Variants in TYR observed in about 807,000 individuals in gnomAD.
TYR encodes the protein LB24-AB.
Under a neutral mutation model 51.5 loss-of-function variants are expected in TYR, and 58 were observed. The observed-to-expected ratio is 1.13, with a 90% CI of 0.91 to 1.40. The LOEUF (loss-of-function observed/expected upper bound fraction) is 1.40. TYR is among the 40% of genes most tolerant of loss of function. TYR has a pLI of 0.00. For missense variants in TYR, 732 were observed against 647.4 expected, an observed-to-expected ratio of 1.13 and a Z score of -1.42; for synonymous variants, 263 against 235.2, an observed-to-expected ratio of 1.12 and a Z score of -1.08.
chr11:89,277,812 T>G (rs150316609), intron 3 of TYR, among the ~76,000 whole-genome samples: 63 of 151,806 alleles, frequency 4.2e-4, no homozygotes, highest in African/African-American at 1.4e-3. Flanking sequence ...TCTCACTGAT[T>G]TCTTTATCCC....
At chr11:89,249,557 G>A (rs1261995166) in intron 3 of TYR, among the ~76,000 whole-genome samples, 2 of 151,816 alleles carry the variant, frequency 1.3e-5, no homozygotes, top group East Asian at 3.9e-4. Flanking sequence ...TACTTGTTGG[G>A]TCTGAAAACA....
intron 2 of TYR, among the ~76,000 whole-genome samples, chr11:89,194,486 T>C (rs2135255773): frequency 6.6e-6 from 1 of 151,396 alleles, no homozygotes; most frequent in South Asian, 2.1e-4. Context: ...ACTGTCTACA[T>C]GGAGACATTT....
At position 89,189,713 on chromosome 11, in the gene TYR, T is replaced by A. The variant is rs991247958; in HGVS notation, c.820-1489T>A. Reference sequence around the variant, plus strand: ...TAATAAATATTTTATTTTCTATAACTATGTGAGGTAGTTGTTATTATCTTC... The same window carrying A: ...TAATAAATATTTTATTTTCTATAACAATGTGAGGTAGTTGTTATTATCTTC... On this transcript the variant is annotated intron_variant, in intron 1 of 4. Coordinates refer to ENST00000263321, the MANE Select transcript of TYR (RefSeq NM_000372.5). Among the ~76,000 whole-genome samples the A allele has an allele frequency of 3.3e-5, 5 of 152,118 alleles. No individual in the cohort carries two copies. In the East Asian group the frequency reaches 9.6e-4, roughly 29 times the overall value.
At chr11:89,185,662 A>G (rs748449836) in intron 1 of TYR, among the ~76,000 whole-genome samples, 18 of 152,130 alleles carry the variant, frequency 1.2e-4, no homozygotes, top group Non-Finnish European at 2.1e-4. Flanking sequence ...CCACGGAAGC[A>G]TGCACCTGTT....
At position 89,228,041 on chromosome 11, in the gene TYR, T is replaced by C. The variant is rs1029704636; in HGVS notation, c.1184+71T>C. Reference sequence around the variant, plus strand: ...TAGAGGGTGCCTATCAAATGTGATTTAAGTTATTAAATAAAAGCTAAGAAG... The same window carrying C: ...TAGAGGGTGCCTATCAAATGTGATTCAAGTTATTAAATAAAAGCTAAGAAG... On this transcript the variant is annotated intron_variant, in intron 3 of 4. Transcript: ENST00000263321. 4 of 1,569,080 alleles carry C rather than the reference T, an allele frequency of 2.5e-6. No homozygotes were observed. The African/African-American group carries it at 5.4e-5, about 21-fold the overall frequency.
intron 3 of TYR, among the ~76,000 whole-genome samples, chr11:89,231,262 TA>T (rs1944045861): frequency 2.0e-5 from 3 of 151,990 alleles, no homozygotes; most frequent in South Asian, 4.1e-4. Flanking sequence ...AGCAGTTTCT[TA>T]AAAAATTAAA....
At position 89,295,542 on chromosome 11, in the gene TYR, T is replaced by C; in HGVS notation, c.*176T>C. Reference sequence around the variant, plus strand: ...CAGGTAGAACACACCTGTCTTTGTCTTGCTGTTTTCACTCAGCCCTTTTAA... The same window carrying C: ...CAGGTAGAACACACCTGTCTTTGTCCTGCTGTTTTCACTCAGCCCTTTTAA... On this transcript the variant is annotated 3_prime_UTR_variant, in exon 5 of 5. Coordinates refer to ENST00000263321, the MANE Select transcript of TYR (RefSeq NM_000372.5). The C allele has an allele frequency of 1.3e-6, 1 of 772,120 alleles. No homozygotes were observed. 47.8% of individuals were successfully genotyped at this position (772,120 alleles called of 1,614,324 possible).
At chr11:89,224,938 T>C (rs11018539) in intron 2 of TYR, among the ~76,000 whole-genome samples, 11,035 of 152,038 alleles carry the variant, frequency 0.073, 522 homozygotes, top group South Asian at 0.15. Flanking sequence ...TATTTTTTTT[T>C]TTGCTGGATT....
intron 3 of TYR, among the ~76,000 whole-genome samples, chr11:89,268,331 A>C (rs957193145): frequency 6.6e-6 from 1 of 151,950 alleles, no homozygotes; most frequent in Non-Finnish European, 1.5e-5. Flanking sequence ...AATTCTCAGC[A>C]TAGCACTGGA....
At chr11:89,275,439 G>T (rs545091097) in intron 3 of TYR, among the ~76,000 whole-genome samples, 105 of 151,974 alleles carry the variant, frequency 6.9e-4, no homozygotes, top group African/African-American at 2.3e-3. Flanking sequence ...AAAAGTCACA[G>T]GAATCTAAAA....
At chr11:89,225,622 A>T (rs1943966867) in intron 2 of TYR, among the ~76,000 whole-genome samples, 1 of 151,922 alleles carries the variant, frequency 6.6e-6, no homozygotes, top group Non-Finnish European at 1.5e-5. Flanking sequence ...GAAGAGTTTA[A>T]GTTGTTTTTG....
intron 3 of TYR, among the ~76,000 whole-genome samples, chr11:89,265,369 C>T (rs1944513295): frequency 6.6e-6 from 1 of 152,052 alleles, no homozygotes; most frequent in African/African-American, 2.4e-5. Context: ...ACCACTCCAC[C>T]TCTCAGAATT....
At chr11:89,182,087 C>G (rs1264259228) in intron 1 of TYR, among the ~76,000 whole-genome samples, 1 of 152,146 alleles carries the variant, frequency 6.6e-6, no homozygotes, top group Non-Finnish European at 1.5e-5. Flanking sequence ...GTACTTTATA[C>G]AGATTTGTAT....
intron 3 of TYR, among the ~76,000 whole-genome samples, chr11:89,229,054 T>C (rs1212797808): frequency 1.3e-5 from 2 of 152,098 alleles, no homozygotes; most frequent in African/African-American, 4.8e-5. Flanking sequence ...TTATTTTTCG[T>C]GTTTTAAAGA....
At chr11:89,184,033 G>C (rs186079625) in intron 1 of TYR, among the ~76,000 whole-genome samples, 2 of 152,216 alleles carry the variant, frequency 1.3e-5, no homozygotes, top group East Asian at 3.9e-4. Flanking sequence ...GTCAGTATTG[G>C]AAACCAGGTC....
intron 3 of TYR, among the ~76,000 whole-genome samples, chr11:89,264,932 A>G (rs948071627): frequency 2.0e-5 from 3 of 152,046 alleles, no homozygotes; most frequent in African/African-American, 4.8e-5. Context: ...AAATCTGTTC[A>G]CTTTTCCTTA....
At chr11:89,289,808 A>ATC (rs1944836153) in intron 4 of TYR, among the ~76,000 whole-genome samples, 1 of 152,160 alleles carries the variant, frequency 6.6e-6, no homozygotes. Context: ...TAGTTTGAGA[A>ATC]TCCAGAAGAG....
intron 4 of TYR, among the ~76,000 whole-genome samples, chr11:89,288,815 G>C (rs114899255): frequency 1.3e-5 from 2 of 151,894 alleles, no homozygotes; most frequent in African/African-American, 2.4e-5. Flanking sequence ...TTTCCATATT[G>C]TTGCCTCTGT....
Position 89,178,510 on chromosome 11 carries a change from A to G in TYR, c.557A>G (p.Asp186Gly). 1 of 1,614,134 alleles carries G rather than the reference A, an allele frequency of 6.2e-7. No homozygotes were observed. Among genetic ancestry groups the G allele is most frequent in the Non-Finnish European group, 8.5e-7 (1 of 1,180,004 alleles). The part of the protein sequence containing the change: ...FVWMHYYVSM[D>G]ALLGGSEIWR... Reference sequence around the variant, plus strand: ...TGGATGCATTATTATGTGTCAATGGATGCACTGCTTGGGGGATCTGAAATC... The same window carrying G: ...TGGATGCATTATTATGTGTCAATGGGTGCACTGCTTGGGGGATCTGAAATC... The change falls in exon 1 of 5, where the codon GAT (aspartate) becomes GGT (glycine). Residue 186 changes from aspartate to glycine, a missense_variant. Physicochemically the swap from Asp to Gly is moderately conservative, Grantham distance 94. Coordinates refer to ENST00000263321, the MANE Select transcript of TYR (RefSeq NM_000372.5).
Sources: gnomAD v4.1 joint callset for allele counts (sites outside exome capture counted in the v4.1 genomes callset) on GRCh38, gnomAD v4.1.1 for gene constraint, MANE v1.5 for transcripts, NCBI Gene and HGNC (gene_info 2026-07-23, HGNC 2026-07-21) for gene names.